The following ZNF483 variants were observed in gnomAD, a reference collection of about 807,000 sequenced individuals.
ZNF483 encodes the protein zinc finger protein HIT-10.
Under a neutral mutation model 28.6 loss-of-function variants are expected in ZNF483, and 9 were observed. The observed-to-expected ratio is 0.32, with a 90% CI of 0.19 to 0.55. The LOEUF (loss-of-function observed/expected upper bound fraction) is 0.55, where lower values mean the gene tolerates loss of function less well. ZNF483 is among the 20% of genes least tolerant of loss of function. ZNF483 has a pLI of 0.93. For synonymous variants in ZNF483, 322 were observed against 306.2 expected, an observed-to-expected ratio of 1.05 and a Z score of -0.54; for missense variants, 675 against 871.7, an observed-to-expected ratio of 0.77 and a Z score of 2.84.
rs1235570703 is a variant in ZNF483, at chr9:111,551,900, C to T, written c.*8730C>T. ...CAGTTTATCAATACAATATATCATTCTTCAGATTTTGCTTATTTTTTGCAG... is the reference window on the plus strand; with the variant it reads ...CAGTTTATCAATACAATATATCATTTTTCAGATTTTGCTTATTTTTTGCAG... On this transcript the variant is annotated 3_prime_UTR_variant, in exon 6 of 6. Transcript: ENST00000309235. Among the ~76,000 whole-genome samples the T allele has an allele frequency of 1.3e-5, 2 of 152,154 alleles. No homozygotes were observed. Among genetic ancestry groups the T allele is most frequent in the Non-Finnish European group, 2.9e-5 (2 of 68,024 alleles).
At chr9:111,564,678 G>C (rs1048609787) in intron 5 of ZNF483, among the ~76,000 whole-genome samples, 8 of 152,060 alleles carry the variant, frequency 5.3e-5, no homozygotes, top group African/African-American at 1.9e-4. Flanking sequence ...TGGATAGGGT[G>C]GAAAGGTAGA....
intron 3 of ZNF483, 121 bp from the exon 4 acceptor site, chr9:111,533,618 C>A: frequency 1.0e-6 from 1 of 990,776 alleles, no homozygotes; most frequent in Non-Finnish European, 1.4e-6. Context: ...TGCAGTGAAC[C>A]ATGAAGCACC....
chr9:111,573,566 G>T (rs117625081), intron 5 of ZNF483, among the ~76,000 whole-genome samples: 1 of 151,942 alleles, frequency 6.6e-6, no homozygotes, highest in Non-Finnish European at 1.5e-5. Context: ...CTACTTTCTC[G>T]TACTTTCTCC....
intron 5 of ZNF483, among the ~76,000 whole-genome samples, chr9:111,538,371 C>T (rs1042681502): frequency 2.6e-5 from 4 of 151,844 alleles, no homozygotes; most frequent in Admixed American, 2.0e-4. Context: ...AAACATCAGC[C>T]AGGCACAGTG....
chr9:111,536,399 C>T (rs1164754032), intron 5 of ZNF483, among the ~76,000 whole-genome samples: 1 of 151,934 alleles, frequency 6.6e-6, no homozygotes, highest in Admixed American at 6.6e-5. Context: ...GTGGTGGGCG[C>T]CTGTAATCCC....
intron 5 of ZNF483, among the ~76,000 whole-genome samples, chr9:111,565,442 G>A (rs935260931): frequency 6.6e-6 from 1 of 152,138 alleles, no homozygotes; most frequent in African/African-American, 2.4e-5. Flanking sequence ...TTAATAATAG[G>A]GGAAATTAGG....
At chr9:111,569,786 A>G in intron 5 of ZNF483, 1 of 361,944 alleles carries the variant, frequency 2.8e-6, no homozygotes, top group Non-Finnish European at 5.2e-6. Flanking sequence ...GGGTTTAAGG[A>G]AGAATGGAAA....
At position 111,576,775 on chromosome 9, in the gene ZNF483, A is replaced by G. The variant is rs183020943; in HGVS notation, c.*361A>G. The G allele has an allele frequency of 2.5e-3, 418 of 170,312 alleles. 2 individuals carry two copies. Among genetic ancestry groups the G allele is most frequent in the Admixed American group, 4.5e-3 (73 of 16,366 alleles). The allele number at this position is 170,312 out of a possible 1,614,324, so 10.6% of individuals were successfully genotyped here. A position where few individuals can be genotyped will look rare whatever the true frequency, so the allele number is the denominator to read the frequency against. ...TAATGAAAATCCACTGAATCTAATAAGGGACTTGTATCGGTAAGATGTAAA... is the reference window on the plus strand; with the variant it reads ...TAATGAAAATCCACTGAATCTAATAGGGGACTTGTATCGGTAAGATGTAAA... On this transcript the variant is annotated 3_prime_UTR_variant, in exon 6 of 6. Transcript: ENST00000358151.
intron 5 of ZNF483, among the ~76,000 whole-genome samples, chr9:111,565,543 G>A (rs778916630): frequency 6.9e-4 from 105 of 152,160 alleles, no homozygotes; most frequent in Non-Finnish European, 1.2e-3. Flanking sequence ...TTGTTTTTGA[G>A]ACAGGGTCTT....
Position 111,543,345 on chromosome 9 carries a change from A to C in ZNF483, c.*175A>C. 7.2e-7 allele frequency: 1 copy of C among 1,383,676 alleles called. No homozygotes were observed. The highest frequency in any genetic ancestry group is 2.6e-4 in the Middle Eastern group (1 of 3,882). The allele number at this position is 1,383,676 out of a possible 1,614,324, so 85.7% of individuals were successfully genotyped here. A position where few individuals can be genotyped will look rare whatever the true frequency, so the allele number is the denominator to read the frequency against. Reference sequence around the variant, plus strand: ...TTTTCAAGGATGGCAACGACTGGTAAACAGTAATTAGTTGGTAAAGTCACT... The same window carrying C: ...TTTTCAAGGATGGCAACGACTGGTACACAGTAATTAGTTGGTAAAGTCACT... On this transcript the variant is annotated 3_prime_UTR_variant, in exon 6 of 6. Coordinates refer to ENST00000309235, the MANE Select transcript of ZNF483 (RefSeq NM_133464.5).
At chr9:111,527,029 G>A (rs1253907286) in intron 1 of ZNF483, among the ~76,000 whole-genome samples, 3 of 152,006 alleles carry the variant, frequency 2.0e-5, no homozygotes, top group African/African-American at 7.3e-5. Context: ...GAACCCAGCC[G>A]GGGCAGAGGT....
exon 6 of ZNF483, chr9:111,577,838 C>T (rs1829126234): frequency 1.3e-5 from 2 of 152,036 alleles, no homozygotes; most frequent in African/African-American, 4.8e-5. Flanking sequence ...GAGTGAGATC[C>T]TGTCTCAAAA....
downstream of ZNF483, among the ~76,000 whole-genome samples, chr9:111,559,177 C>T (rs376329298): frequency 2.9e-4 from 44 of 152,226 alleles, no homozygotes; most frequent in South Asian, 8.3e-3. Flanking sequence ...ACCGCCCATA[C>T]CAGGTCACTC....
chr9:111,528,268 T>TC (rs1827230088), intron 2 of ZNF483, among the ~76,000 whole-genome samples: 1 of 152,192 alleles, frequency 6.6e-6, no homozygotes, highest in Non-Finnish European at 1.5e-5. Context: ...GTTTTGCAAT[T>TC]CAAGTACATG....
chr9:111,571,574 C>G (rs559892504), intron 5 of ZNF483, among the ~76,000 whole-genome samples: 1 of 151,798 alleles, frequency 6.6e-6, no homozygotes, highest in East Asian at 2.0e-4. Context: ...GACCTCTTGG[C>G]TCAAGTGATC....
Position 111,543,414 on chromosome 9 carries a change from G to A in ZNF483, c.*244G>A. 8 of 1,247,502 alleles carry A rather than the reference G, an allele frequency of 6.4e-6. No individual in the cohort carries two copies. The South Asian group carries it at 1.9e-4, about 30-fold the overall frequency. 77.3% of individuals were successfully genotyped at this position (1,247,502 alleles called of 1,614,324 possible). ...AATGATTCTGAGGCCAGACGAATTG[G>A]AAAAGCTCTTTTCTTCAGGGGATTT... On this transcript the variant is annotated 3_prime_UTR_variant, in exon 6 of 6. Coordinates refer to ENST00000309235, the MANE Select transcript of ZNF483 (RefSeq NM_133464.5).
chr9:111,528,265 A>C (rs1827229780), intron 2 of ZNF483, among the ~76,000 whole-genome samples: 1 of 152,210 alleles, frequency 6.6e-6, no homozygotes, highest in African/African-American at 2.4e-5. Context: ...ACTGTTTTGC[A>C]ATTCAAGTAC....
rs1827969997 is a variant in ZNF483, at chr9:111,551,847, A to T, written c.*8677A>T. ...ATTCAGTTTATTAGCATCAAATTTG[A>T]TGAAGCAGTGCATAAATGGAAACAA... On this transcript the variant is annotated 3_prime_UTR_variant, in exon 6 of 6. Coordinates refer to ENST00000309235, the MANE Select transcript of ZNF483 (RefSeq NM_133464.5). Among the ~76,000 whole-genome samples, 1 of 152,242 alleles carries T rather than the reference A, an allele frequency of 6.6e-6. No homozygotes were observed. Among genetic ancestry groups the T allele is most frequent in the South Asian group, 2.1e-4 (1 of 4,836 alleles).
At chr9:111,576,476 G>A in exon 6 of ZNF483, 1 of 1,609,058 alleles carries the variant, frequency 6.2e-7, no homozygotes, top group Non-Finnish European at 8.5e-7. Flanking sequence ...TGGGGCCACT[G>A]CAGTGCAGTT....
Sources: allele counts gnomAD v4.1 joint callset (sites outside exome capture counted in the v4.1 genomes callset), GRCh38; gene constraint gnomAD v4.1.1; transcripts MANE v1.5; gene names NCBI Gene and HGNC (gene_info 2026-07-23, HGNC 2026-07-21).